The following PDCD6 variants were observed in gnomAD, a reference collection of about 807,000 sequenced individuals.
PDCD6 encodes programmed cell death protein 6.
PDCD6 carries 12 observed loss-of-function variants against 28.3 expected under a neutral mutation model. That is an observed-to-expected ratio of 0.42 (90% CI 0.27 to 0.69). The LOEUF is 0.69. PDCD6 is among the 30% of genes least tolerant of loss of function. The pLI, the probability that PDCD6 is intolerant of heterozygous loss-of-function variation, is 0.22. For synonymous variants in PDCD6, 92 were observed against 108.0 expected (o/e 0.85, Z 0.92); for missense variants, 226 against 269.9 (o/e 0.84, Z 1.14).
chr5:292,506 A>G (rs1284039520), intron 2 of PDCD6, among the ~76,000 whole-genome samples: 1 of 151,838 alleles, frequency 6.6e-6, no homozygotes, highest in African/African-American at 2.4e-5. Context: ...TGATTCTCCC[A>G]CCTCAGCCTC....
chr5:276,830 T>G (rs1738226647), intron 2 of PDCD6: 2 of 985,320 alleles, frequency 2.0e-6, no homozygotes, highest in Admixed American at 6.1e-5. Flanking sequence ...GAGACTTGTT[T>G]GCACAGGAGA....
intron 2 of PDCD6, chr5:276,466 T>C: frequency 1.0e-6 from 1 of 985,598 alleles, no homozygotes; most frequent in Non-Finnish European, 1.2e-6. Context: ...TGAATTTCTT[T>C]ATTTTAAGAA....
intron 2 of PDCD6, among the ~76,000 whole-genome samples, chr5:288,311 T>TATTATATATATATATATATATATAC (rs34574011): frequency 6.9e-6 from 1 of 144,964 alleles, no homozygotes; most frequent in South Asian, 2.1e-4. Flanking sequence ...TATATATATA[T>TATTATATATATATATATATATATAC]ACACATATGT....
rs1341826376 is a variant in PDCD6 at position 314,689 on chromosome 5, A to T, written c.*174A>T. ...AGCTGATTAATGGTTTTGCAACTGT[A>T]ATAGTAGCTGTATCGTTCTAATGCA... On this transcript the variant is annotated 3_prime_UTR_variant, in exon 6 of 6. Coordinates refer to ENST00000264933, the MANE Select transcript of PDCD6 (RefSeq NM_013232.4). The T allele has an allele frequency of 4.3e-6, 3 of 692,492 alleles. 1 individual carries two copies. The Admixed American group carries it at 6.0e-5, about 14-fold the overall frequency. The allele number at this position is 692,492 out of a possible 1,614,324, so 42.9% of individuals were successfully genotyped here.
intron 2 of PDCD6, chr5:273,243 C>G (rs1462452958): frequency 6.0e-6 from 1 of 167,474 alleles, no homozygotes; most frequent in African/African-American, 2.4e-5. Flanking sequence ...GAAACTGGGA[C>G]TGGGTTCCTG....
chr5:303,587 G>A (rs936150122), intron 2 of PDCD6, among the ~76,000 whole-genome samples: 4 of 151,836 alleles, frequency 2.6e-5, no homozygotes, highest in Admixed American at 6.6e-5. Flanking sequence ...AGCCCAGACC[G>A]TAATTTGTCA....
At chr5:298,407 A>G (rs1739755073) in intron 2 of PDCD6, among the ~76,000 whole-genome samples, 1 of 151,834 alleles carries the variant, frequency 6.6e-6, no homozygotes, top group Non-Finnish European at 1.5e-5. Context: ...ATTTACAAGG[A>G]CATGATGGGT....
intron 1 of PDCD6, among the ~76,000 whole-genome samples, chr5:272,301 C>T (rs1171256941): frequency 2.1e-5 from 3 of 144,476 alleles, no homozygotes; most frequent in African/African-American, 8.1e-5. Flanking sequence ...AGCGACCTGG[C>T]GTCTGCTCGG....
chr5:308,237 T>C (rs56075848), intron 4 of PDCD6: 25,789 of 152,266 alleles, frequency 0.17, 4,559 homozygotes, highest in African/African-American at 0.45. Flanking sequence ...GCTCCCTTTG[T>C]CCATGCCAGT....
chr5:283,473 C>G (rs1021883896), intron 2 of PDCD6, among the ~76,000 whole-genome samples: 1,105 of 112,336 alleles, frequency 9.8e-3, no homozygotes, highest in African/African-American at 0.02. Context: ...AGCTGATGTT[C>G]TAGATTGAGG....
chr5:296,531 G>A (rs778293344), intron 2 of PDCD6, among the ~76,000 whole-genome samples: 60 of 152,380 alleles, frequency 3.9e-4, no homozygotes, highest in East Asian at 5.8e-4. Context: ...AGTGCAAGGC[G>A]AGTGAGGGAC....
chr5:303,702 T>C (rs565778317), intron 2 of PDCD6, among the ~76,000 whole-genome samples: 7 of 151,288 alleles, frequency 4.6e-5, no homozygotes, highest in African/African-American at 1.7e-4. Context: ...TTCAGTAGAA[T>C]TAGTGTGAAT....
chr5:294,218 T>G (rs73734205), intron 2 of PDCD6, among the ~76,000 whole-genome samples: 33,018 of 146,722 alleles, frequency 0.23, 6,075 homozygotes, highest in African/African-American at 0.51. Context: ...AATTTAAAAT[T>G]ATAATGCTAT....
At chr5:288,826 C>T in intron 2 of PDCD6, 1 of 1,360,300 alleles carries the variant, frequency 7.4e-7, no homozygotes, top group South Asian at 1.7e-5. Context: ...CTAAATGTTT[C>T]TAAATAGTCT....
intron 2 of PDCD6, among the ~76,000 whole-genome samples, chr5:299,539 GTTC>G (rs1739885910): frequency 7.1e-6 from 1 of 141,666 alleles, no homozygotes; most frequent in African/African-American, 3.0e-5. Context: ...TAATTCTTAC[GTTC>G]TTTTGAAGGT....
At chr5:275,032 C>T (rs1473977651) in intron 2 of PDCD6, among the ~76,000 whole-genome samples, 3 of 137,428 alleles carry the variant, frequency 2.2e-5, no homozygotes, top group Admixed American at 7.5e-5. Context: ...TTTTCTTAGG[C>T]GCCCCCCTTT....
At chr5:282,598 G>A (rs1378010616) in intron 2 of PDCD6, among the ~76,000 whole-genome samples, 5 of 152,102 alleles carry the variant, frequency 3.3e-5, no homozygotes, top group Non-Finnish European at 7.4e-5. Context: ...TCTTGCAGCT[G>A]CAGACCTGGA....
chr5:276,581 AAT>A (rs1403087545), intron 2 of PDCD6: 2 of 982,130 alleles, frequency 2.0e-6, no homozygotes, highest in African/African-American at 3.5e-5. Flanking sequence ...TTCCTATACT[AAT>A]ATGATTGAAA....
rs757113890 is a variant in PDCD6, at chr5:271,680, C to T, written c.-41C>T. On this transcript the variant is annotated 5_prime_UTR_variant, in exon 1 of 6. Coordinates refer to ENST00000264933, the MANE Select transcript of PDCD6 (RefSeq NM_013232.4). ...AGCGGAGTCGGCCTGAGAGGTCTCT[C>T]GTCGCTGCAGGCGCCTCAGCCCAGC... is the stretch of plus-strand genomic sequence containing the variant. The T allele has an allele frequency of 2.5e-5, 30 of 1,215,796 alleles. No individual in the cohort carries two copies. The highest frequency in any genetic ancestry group is 1.1e-4 in the East Asian group (4 of 37,974). The allele number at this position is 1,215,796 out of a possible 1,614,324, so 75.3% of individuals were successfully genotyped here.
Sources: allele counts gnomAD v4.1 joint callset (sites outside exome capture counted in the v4.1 genomes callset), GRCh38; gene constraint gnomAD v4.1.1; transcripts MANE v1.5; gene names NCBI Gene and HGNC (gene_info 2026-07-23, HGNC 2026-07-21).